Variants in ATXN8OS observed in about 807,000 individuals in gnomAD.
The protein encoded by ATXN8OS is ATXN8 opposite strand lncRNA.
intron 4 of ATXN8OS, among the ~76,000 whole-genome samples, chr13:70,166,052 T>C (rs905003576): frequency 6.6e-6 from 1 of 152,064 alleles, no homozygotes; most frequent in Non-Finnish European, 1.5e-5. Flanking sequence ...AGAAAATGAG[T>C]GAGATAGAGA....
intron 3 of ATXN8OS, among the ~76,000 whole-genome samples, chr13:70,145,589 A>G (rs1176707255): frequency 2.0e-5 from 3 of 152,020 alleles, no homozygotes; most frequent in African/African-American, 7.3e-5. Context: ...TTGGATTCCT[A>G]GGTATTTTAT....
At chr13:70,107,780 G>A in exon 1 of ATXN8OS, 4 of 1,107,968 alleles carry the variant, frequency 3.6e-6, no homozygotes, top group Non-Finnish European at 5.0e-6. Context: ...AGCGGGGCCC[G>A]GGGGCGGAGG....
At chr13:70,161,846 G>A (rs1889012381) in intron 4 of ATXN8OS, among the ~76,000 whole-genome samples, 1 of 151,948 alleles carries the variant, frequency 6.6e-6, no homozygotes, top group Non-Finnish European at 1.5e-5. Flanking sequence ...TAATAATAGT[G>A]TTTCAATATT....
chr13:70,156,260 TG>T, intron 4 of ATXN8OS, among the ~76,000 whole-genome samples: 1 of 151,986 alleles, frequency 6.6e-6, no homozygotes, highest in Non-Finnish European at 1.5e-5. Context: ...TGTGTGTGTG[TG>T]TGTGTGTGTT....
chr13:70,157,227 G>T (rs957653513), intron 4 of ATXN8OS, among the ~76,000 whole-genome samples: 1 of 152,058 alleles, frequency 6.6e-6, no homozygotes, highest in Non-Finnish European at 1.5e-5. Flanking sequence ...ACAAAGGAAA[G>T]CCTTTACATG....
chr13:70,146,706 T>G (rs940749206), intron 3 of ATXN8OS, among the ~76,000 whole-genome samples: 1 of 138,118 alleles, frequency 7.2e-6, no homozygotes, highest in Non-Finnish European at 1.5e-5. Flanking sequence ...TAGGTGGGAA[T>G]TGAACAATGA....
intron 4 of ATXN8OS, among the ~76,000 whole-genome samples, chr13:70,167,653 A>AG (rs1889092822): frequency 6.6e-6 from 1 of 150,810 alleles, no homozygotes; most frequent in Non-Finnish European, 1.5e-5. Context: ...TAAAACTTAA[A>AG]GTATAATAAT....
At chr13:70,110,705 T>A (rs114064788) in intron 1 of ATXN8OS, among the ~76,000 whole-genome samples, 1 of 152,052 alleles carries the variant, frequency 6.6e-6, no homozygotes, top group Non-Finnish European at 1.5e-5. Context: ...AATACTGCAC[T>A]AATTAATTTA....
intron 4 of ATXN8OS, among the ~76,000 whole-genome samples, chr13:70,150,374 G>T (rs548094771): frequency 2.0e-5 from 3 of 151,986 alleles, no homozygotes; most frequent in African/African-American, 7.2e-5. Flanking sequence ...TTTGAACAAG[G>T]GTAACAACAA....
intron 2 of ATXN8OS, among the ~76,000 whole-genome samples, chr13:70,119,951 C>T (rs1265294910): frequency 6.6e-6 from 1 of 151,844 alleles, no homozygotes; most frequent in Non-Finnish European, 1.5e-5. Context: ...ATTTATGGTC[C>T]CAAGCATTTT....
At chr13:70,142,943 C>G (rs759964323) in intron 3 of ATXN8OS, among the ~76,000 whole-genome samples, 1 of 151,946 alleles carries the variant, frequency 6.6e-6, no homozygotes, top group African/African-American at 2.4e-5. Context: ...TGTGGTGGCA[C>G]ACGCCTGTAA....
At chr13:70,168,105 TG>T (rs1292466269) in intron 4 of ATXN8OS, among the ~76,000 whole-genome samples, 1 of 152,108 alleles carries the variant, frequency 6.6e-6, no homozygotes, top group Admixed American at 6.6e-5. Context: ...ATACTTTTTT[TG>T]TTCTTTGCTG....
chr13:70,141,907 GT>G lies in ATXN8OS; in HGVS notation n.500-5442del, dbSNP rs1329686007. Among the ~76,000 whole-genome samples, 5 of 152,020 alleles carry G rather than the reference GT, an allele frequency of 3.3e-5. 1 individual carries two copies. The highest frequency in any genetic ancestry group is 4.2e-4 in the South Asian group (2 of 4,808). On this transcript the variant is annotated intron_variant and non_coding_transcript_variant, in intron 3 of 4. Transcript: ENST00000678624. Reference sequence around the variant, plus strand: ...TTTTTTTTGTTATTGTTGAAACAGAGTTTTTTGCTTTTGTTCCCCAGGCTGG... The same window carrying G: ...TTTTTTTTGTTATTGTTGAAACAGAGTTTTTGCTTTTGTTCCCCAGGCTGG...
chr13:70,111,876 C>T (rs575383778), intron 1 of ATXN8OS, among the ~76,000 whole-genome samples: 1 of 152,082 alleles, frequency 6.6e-6, no homozygotes, highest in South Asian at 2.1e-4. Flanking sequence ...TAAAATGGCT[C>T]CTGTGATTTT....
intron 4 of ATXN8OS, among the ~76,000 whole-genome samples, chr13:70,168,006 G>A (rs902181450): frequency 1.3e-5 from 2 of 152,056 alleles, no homozygotes; most frequent in African/African-American, 4.8e-5. Context: ...GCTTACAGGC[G>A]TGAGCCACCG....
At chr13:70,122,708 G>A (rs1399555431) in intron 2 of ATXN8OS, among the ~76,000 whole-genome samples, 1 of 151,922 alleles carries the variant, frequency 6.6e-6, no homozygotes, top group African/African-American at 2.4e-5. Flanking sequence ...AAACGTAATA[G>A]AATTCAACAA....
intron 2 of ATXN8OS, among the ~76,000 whole-genome samples, chr13:70,129,375 C>CTGTGTG (rs34731574): frequency 8.1e-5 from 12 of 148,992 alleles, no homozygotes; most frequent in African/African-American, 2.2e-4. Flanking sequence ...TTGTATTTTT[C>CTGTGTG]TGTGTGTGTG....
chr13:70,119,038 C>A (rs1325032128), intron 2 of ATXN8OS, among the ~76,000 whole-genome samples: 1 of 152,080 alleles, frequency 6.6e-6, no homozygotes. Context: ...TATTGAGAAT[C>A]AGCTGTGTGC....
intron 3 of ATXN8OS, among the ~76,000 whole-genome samples, chr13:70,137,853 T>C (rs950142752): frequency 1.3e-5 from 2 of 152,180 alleles, no homozygotes; most frequent in South Asian, 4.1e-4. Context: ...AGAGGTTTAA[T>C]TGACTCACAG....
Sources: gnomAD v4.1 joint callset for allele counts (sites outside exome capture counted in the v4.1 genomes callset) on GRCh38, gnomAD v4.1.1 for gene constraint, MANE v1.5 for transcripts, NCBI Gene and HGNC (gene_info 2026-07-23, HGNC 2026-07-21) for gene names.